Variants in ZCCHC24 observed in about 807,000 individuals in gnomAD.
ZCCHC24 encodes zinc finger CCHC-type containing 24.
A neutral mutation model predicts 26.2 loss-of-function variants in ZCCHC24; 10 were observed. The ratio of observed to expected loss-of-function variants is 0.38; its 90% CI spans 0.24 to 0.65. ZCCHC24 has a LOEUF of 0.65. Among genes scored for constraint, ZCCHC24 ranks in the 30% least tolerant of loss-of-function variants. The probability of loss-of-function intolerance (pLI) is 0.54; values close to 1 mark genes in which losing one functional copy is unlikely to be tolerated. For synonymous variants in ZCCHC24, 144 were observed against 147.1 expected (o/e 0.98, Z 0.15); for missense variants, 243 against 329.1 (o/e 0.74, Z 2.03).
chr10:79,425,131 C>T (rs980146225), intron 2 of ZCCHC24, among the ~76,000 whole-genome samples: 1 of 152,238 alleles, frequency 6.6e-6, no homozygotes, highest in African/African-American at 2.4e-5. Context: ...GCCCCCACCA[C>T]AGACCCCTAC....
intron 2 of ZCCHC24, among the ~76,000 whole-genome samples, chr10:79,408,540 G>A (rs1856748825): frequency 6.6e-6 from 1 of 152,188 alleles, no homozygotes; most frequent in African/African-American, 2.4e-5. Context: ...AGGCACTGGA[G>A]GAGGGTGGTT....
intron 1 of ZCCHC24, among the ~76,000 whole-genome samples, chr10:79,439,229 C>T (rs1857258623): frequency 1.3e-5 from 2 of 152,220 alleles, no homozygotes; most frequent in South Asian, 4.1e-4. Flanking sequence ...AGGTCCCTAA[C>T]CAAAGAAGGT....
chr10:79,412,134 G>T (rs1218038981), intron 2 of ZCCHC24, among the ~76,000 whole-genome samples: 1 of 152,234 alleles, frequency 6.6e-6, no homozygotes, highest in Non-Finnish European at 1.5e-5. Flanking sequence ...GTGTGCACAG[G>T]TCTGCAGCTG....
intron 3 of ZCCHC24, among the ~76,000 whole-genome samples, chr10:79,387,543 G>C (rs939423935): frequency 3.3e-5 from 5 of 152,194 alleles, no homozygotes; most frequent in Non-Finnish European, 7.4e-5. Flanking sequence ...TTCAGCTGGA[G>C]CCCCTGCCTG....
chr10:79,445,102 A>T, intron 1 of ZCCHC24, 93 bp downstream of exon 1: 1 of 1,150,742 alleles, frequency 8.7e-7, no homozygotes, highest in Non-Finnish European at 1.1e-6. Context: ...GGGCCGCGCC[A>T]GGCCAGGAAG....
chr10:79,439,267 C>A (rs950449181), intron 1 of ZCCHC24, among the ~76,000 whole-genome samples: 14 of 152,240 alleles, frequency 9.2e-5, no homozygotes, highest in African/African-American at 3.4e-4. Context: ...CATACCCAAG[C>A]CTCTGCTGAA....
chr10:79,400,476 T>C lies in ZCCHC24; in HGVS notation c.448-6036A>G, dbSNP rs550551076. Among the ~76,000 whole-genome samples the C allele has an allele frequency of 3.3e-5, 5 of 152,350 alleles. No homozygotes were observed. In the South Asian group the frequency reaches 1.0e-3, roughly 32 times the overall value. On this transcript the variant is annotated intron_variant, in intron 2 of 3. Coordinates refer to ENST00000372336, the MANE Select transcript of ZCCHC24 (RefSeq NM_153367.4). ...AGGATAAGCAACCGAAGATAACCGCTGCACAAGAACAGGACTGGCAGGAAA... is the reference window on the plus strand; with the variant it reads ...AGGATAAGCAACCGAAGATAACCGCCGCACAAGAACAGGACTGGCAGGAAA...
At chr10:79,403,199 A>C (rs1034636492) in intron 2 of ZCCHC24, among the ~76,000 whole-genome samples, 4 of 152,228 alleles carry the variant, frequency 2.6e-5, no homozygotes, top group African/African-American at 7.2e-5. Context: ...GGCCAGACAG[A>C]CCTCCCAAGT....
At chr10:79,435,450 C>A (rs1053203284) in intron 1 of ZCCHC24, among the ~76,000 whole-genome samples, 4 of 152,184 alleles carry the variant, frequency 2.6e-5, no homozygotes, top group Non-Finnish European at 5.9e-5. Context: ...TCCTTGGCAG[C>A]TCGACACCCC....
chr10:79,440,001 T>C (rs1319124442), intron 1 of ZCCHC24, among the ~76,000 whole-genome samples: 1 of 152,090 alleles, frequency 6.6e-6, no homozygotes, highest in Non-Finnish European at 1.5e-5. Context: ...CAATAGCAAG[T>C]GCAGGGGCTT....
chr10:79,431,416 G>A (rs1486777800), intron 2 of ZCCHC24, among the ~76,000 whole-genome samples: 1 of 152,186 alleles, frequency 6.6e-6, no homozygotes, highest in East Asian at 1.9e-4. Flanking sequence ...TCGTCAGTGG[G>A]TCAGCTCCCA....
chr10:79,420,270 G>A (rs1367111794), intron 2 of ZCCHC24, among the ~76,000 whole-genome samples: 2 of 152,094 alleles, frequency 1.3e-5, no homozygotes, highest in African/African-American at 4.8e-5. Flanking sequence ...AGTCATCTGG[G>A]CCTTCCCCTG....
intron 2 of ZCCHC24, among the ~76,000 whole-genome samples, chr10:79,400,846 G>C (rs1411111415): frequency 6.6e-6 from 1 of 152,182 alleles, no homozygotes; most frequent in African/African-American, 2.4e-5. Context: ...CCCCACCCCT[G>C]GGTCCCTTCT....
Position 79,445,071 on chromosome 10 carries a change from C to A in ZCCHC24, c.246+124G>T. 6.9e-6 allele frequency: 7 copies of A among 1,021,772 alleles called. No homozygotes were observed. In the South Asian group the frequency reaches 2.7e-4, roughly 40 times the overall value. The allele number at this position is 1,021,772 out of a possible 1,614,324, so 63.3% of individuals were successfully genotyped here. A position where few individuals can be genotyped will look rare whatever the true frequency, so the allele number is the denominator to read the frequency against. On this transcript the variant is annotated intron_variant, in intron 1 of 3. Transcript: ENST00000372336. ...AGAGTTGAACGAAGCCAAGCCAAGC[C>A]GGGCCCGGCAATGCGGAGCCGGGCC... is the stretch of plus-strand genomic sequence containing the variant.
At chr10:79,403,492 C>T (rs1028477504) in intron 2 of ZCCHC24, 2 of 985,340 alleles carry the variant, frequency 2.0e-6, no homozygotes, top group Non-Finnish European at 2.4e-6. Context: ...TGGGCAGCTG[C>T]AGGCTCCACG....
chr10:79,385,094 A>C lies in ZCCHC24; in HGVS notation c.*1251T>G, dbSNP rs1257149611. The C allele has an allele frequency of 6.6e-6, 1 of 152,062 alleles. No homozygotes were observed. The highest frequency in any genetic ancestry group is 2.4e-5 in the African/African-American group (1 of 41,388). 9.4% of individuals were successfully genotyped at this position (152,062 alleles called of 1,614,324 possible). On this transcript the variant is annotated 3_prime_UTR_variant, in exon 4 of 4. Transcript: ENST00000372336. The surrounding 1 kb of genome is among the most constrained non-coding windows in gnomAD (Gnocchi z 4.3). ...CTCAGGGTTCTCCATGTCAGGGGCT[A>C]GGAGACCGAGGTGAGAAGGAGGGGG... is the stretch of plus-strand genomic sequence containing the variant.
intron 3 of ZCCHC24, among the ~76,000 whole-genome samples, chr10:79,391,734 C>T (rs1375541816): frequency 6.6e-6 from 1 of 151,906 alleles, no homozygotes; most frequent in Non-Finnish European, 1.5e-5. Flanking sequence ...GTCTACTGAC[C>T]TTCTACCCCA....
At position 79,432,567 on chromosome 10, in the gene ZCCHC24, G is replaced by T. The variant is rs1317009277; in HGVS notation, c.438C>A (p.Asp146Glu). The T allele has an allele frequency of 6.3e-7, 1 of 1,596,914 alleles. No homozygotes were observed. Among genetic ancestry groups the T allele is most frequent in the Non-Finnish European group, 8.5e-7 (1 of 1,171,552 alleles). Reference sequence around the variant, plus strand: ...GCCAGGGCTGCCTTACCTGGGGGCAGTCCTTGATGTAGTGTCCTTTGTTGA... The same window carrying T: ...GCCAGGGCTGCCTTACCTGGGGGCATTCCTTGATGTAGTGTCCTTTGTTGA... ...LCFNKGHYIK[D>E]CPQARPKGEG... The change falls in exon 2 of 4, where the codon GAC (aspartate) becomes GAA (glutamate). Residue 146 changes from aspartate to glutamate, a missense_variant. Coordinates refer to ENST00000372336, the MANE Select transcript of ZCCHC24 (RefSeq NM_153367.4).
intron 2 of ZCCHC24, among the ~76,000 whole-genome samples, chr10:79,429,134 G>A (rs776360276): frequency 1.2e-4 from 19 of 152,142 alleles, no homozygotes; most frequent in Non-Finnish European, 1.8e-4. Context: ...ACTATAACAT[G>A]GATGAACCAT....
Sources: allele counts gnomAD v4.1 joint callset (sites outside exome capture counted in the v4.1 genomes callset), GRCh38; gene constraint gnomAD v4.1.1; non-coding constraint Gnocchi (gnomAD v3.1); transcripts MANE v1.5; gene names NCBI Gene and HGNC (gene_info 2026-07-23, HGNC 2026-07-21).